WDR70: variants seen among roughly 807,000 people sequenced by gnomAD.
WDR70 encodes the protein WD repeat-containing protein 70.
Under a neutral mutation model 88.6 loss-of-function variants are expected in WDR70, and 53 were observed. The ratio of observed to expected loss-of-function variants is 0.60; its 90% CI spans 0.48 to 0.75. The LOEUF (loss-of-function observed/expected upper bound fraction) is 0.75. WDR70 is among the 30% of genes least tolerant of loss of function. WDR70 has a pLI of 0.00. For missense variants in WDR70, 610 were observed against 823.2 expected (o/e 0.74, Z 3.17); for synonymous variants, 280 against 270.0 (o/e 1.04, Z -0.36).
At chr5:37,591,434 A>G (rs1012558031) in intron 9 of WDR70, among the ~76,000 whole-genome samples, 1 of 152,078 alleles carries the variant, frequency 6.6e-6, no homozygotes, top group Non-Finnish European at 1.5e-5. Flanking sequence ...TTATACAAAC[A>G]TATTTGATAA....
At chr5:37,508,485 G>A (rs372167324) in intron 8 of WDR70, among the ~76,000 whole-genome samples, 2 of 152,204 alleles carry the variant, frequency 1.3e-5, no homozygotes, top group African/African-American at 4.8e-5. Context: ...ATCAAGTTGA[G>A]TAAGTTGTTT....
chr5:37,627,618 A>G (rs1384953363), intron 10 of WDR70, among the ~76,000 whole-genome samples: 1 of 152,044 alleles, frequency 6.6e-6, no homozygotes, highest in Non-Finnish European at 1.5e-5. Context: ...GCTTTGGTAC[A>G]TCGTGTTTCT....
At chr5:37,602,877 T>C (rs1432721369) in intron 9 of WDR70, among the ~76,000 whole-genome samples, 1 of 151,962 alleles carries the variant, frequency 6.6e-6, no homozygotes, top group Admixed American at 6.5e-5. Flanking sequence ...CTCAGGAGGC[T>C]GAGGCAGGAG....
At position 37,717,639 on chromosome 5, in the gene WDR70, A is replaced by T. The variant is rs138381060; in HGVS notation, c.1417-3476A>T. On this transcript the variant is annotated intron_variant, in intron 13 of 17. Transcript: ENST00000265107. ...TTGGTTCCTTAGGCTTCTAGCAGGCACGTGTCGCATTGTTGTTAAGCAAAG... is the reference window on the plus strand; with the variant it reads ...TTGGTTCCTTAGGCTTCTAGCAGGCTCGTGTCGCATTGTTGTTAAGCAAAG... Among the ~76,000 whole-genome samples, 972 of 152,238 alleles carry T rather than the reference A, an allele frequency of 6.4e-3. 6 individuals are homozygous for T. The highest frequency in any genetic ancestry group is 0.018 in the African/African-American group (743 of 41,532).
intron 13 of WDR70, among the ~76,000 whole-genome samples, chr5:37,707,954 T>A (rs1436132204): frequency 0.039 from 714 of 18,400 alleles, 37 homozygotes; most frequent in East Asian, 0.065. Flanking sequence ...AAAAAATATA[T>A]ATATATATAT....
intron 9 of WDR70, among the ~76,000 whole-genome samples, chr5:37,601,902 A>C (rs565521589): frequency 6.6e-4 from 101 of 152,328 alleles, no homozygotes; most frequent in Admixed American, 4.7e-3. Flanking sequence ...AAAAAGGATG[A>C]ATTCATGTCC....
At chr5:37,698,396 C>T (rs1747044523) in intron 11 of WDR70, among the ~76,000 whole-genome samples, 1 of 152,010 alleles carries the variant, frequency 6.6e-6, no homozygotes. Flanking sequence ...TGAAGATTTT[C>T]CTACAGACCT....
intron 17 of WDR70, among the ~76,000 whole-genome samples, chr5:37,751,995 A>G (rs1235687411): frequency 6.6e-6 from 1 of 152,220 alleles, no homozygotes; most frequent in Non-Finnish European, 1.5e-5. Flanking sequence ...GCTCAAATTC[A>G]TTAGATAAGA....
chr5:37,703,523 T>A (rs1747228986), intron 13 of WDR70, among the ~76,000 whole-genome samples: 1 of 152,254 alleles, frequency 6.6e-6, no homozygotes. Flanking sequence ...GTTGTAGTCA[T>A]TAAAGTCAGG....
intron 4 of WDR70, among the ~76,000 whole-genome samples, chr5:37,394,117 C>T (rs556127073): frequency 6.6e-6 from 1 of 151,818 alleles, no homozygotes; most frequent in South Asian, 2.1e-4. Flanking sequence ...CCAGCCTGGC[C>T]AACATGATGA....
At chr5:37,602,314 A>G (rs977830805) in intron 9 of WDR70, among the ~76,000 whole-genome samples, 1 of 145,002 alleles carries the variant, frequency 6.9e-6, no homozygotes, top group African/African-American at 2.6e-5. Context: ...AGATCAGTAC[A>G]CTGAAAACTA....
chr5:37,482,824 A>G (rs1324573938), intron 8 of WDR70, among the ~76,000 whole-genome samples: 1 of 152,272 alleles, frequency 6.6e-6, no homozygotes, highest in Admixed American at 6.5e-5. Flanking sequence ...GATGGGAGAT[A>G]CTGATGCAGG....
intron 9 of WDR70, among the ~76,000 whole-genome samples, chr5:37,568,838 C>T (rs1453886168): frequency 3.9e-5 from 6 of 152,162 alleles, no homozygotes; most frequent in Non-Finnish European, 7.4e-5. Flanking sequence ...TGAATCTGGA[C>T]TGGCCTTATA....
chr5:37,432,561 GTA>G (rs1363604811), intron 5 of WDR70, among the ~76,000 whole-genome samples: 1 of 137,792 alleles, frequency 7.3e-6, no homozygotes, highest in African/African-American at 3.4e-5. Context: ...GCTAATTTTT[GTA>G]TTTTTTTTTT....
At chr5:37,511,784 A>C (rs1343792729) in intron 8 of WDR70, among the ~76,000 whole-genome samples, 1 of 152,180 alleles carries the variant, frequency 6.6e-6, no homozygotes, top group Non-Finnish European at 1.5e-5. Context: ...AACAGGGCTA[A>C]ACCTTACTCC....
intron 3 of WDR70, among the ~76,000 whole-genome samples, chr5:37,386,223 A>G (rs1481648445): frequency 3.9e-5 from 6 of 152,164 alleles, no homozygotes; most frequent in Admixed American, 3.9e-4. Context: ...GTTTTAAACA[A>G]TTTAGTGAAT....
intron 3 of WDR70, 80 bp downstream of exon 3, chr5:37,381,765 G>C (rs545164522): frequency 6.8e-7 from 1 of 1,466,528 alleles, no homozygotes; most frequent in Non-Finnish European, 9.3e-7. Context: ...AAAGAGAAAA[G>C]AATGTTGGCT....
At chr5:37,651,287 T>G (rs1745403983) in intron 10 of WDR70, among the ~76,000 whole-genome samples, 1 of 152,248 alleles carries the variant, frequency 6.6e-6, no homozygotes, top group Non-Finnish European at 1.5e-5. Context: ...GCAAAGGACA[T>G]GAACTCATCC....
chr5:37,720,924 CA>C (rs1747791653), intron 13 of WDR70, among the ~76,000 whole-genome samples, 190 bp from the exon 14 acceptor site: 1 of 152,074 alleles, frequency 6.6e-6, no homozygotes, highest in Non-Finnish European at 1.5e-5. Context: ...GAGTATCACC[CA>C]GATAATAAGT....
Sources: gnomAD v4.1 joint callset for allele counts (sites outside exome capture counted in the v4.1 genomes callset) on GRCh38, gnomAD v4.1.1 for gene constraint, MANE v1.5 for transcripts, NCBI Gene and HGNC (gene_info 2026-07-23, HGNC 2026-07-21) for gene names.